The following KCNK12 variants were observed in gnomAD, a reference collection of about 807,000 sequenced individuals.
KCNK12 encodes the protein potassium channel subfamily K member 12.
Under a neutral mutation model 25.3 loss-of-function variants are expected in KCNK12, and 6 were observed. The ratio of observed to expected loss-of-function variants is 0.24; its 90% CI spans 0.13 to 0.47. The LOEUF (loss-of-function observed/expected upper bound fraction) is 0.47, where lower values mean the gene tolerates loss of function less well. Ranked by LOEUF, KCNK12 falls within the 20% of genes least tolerant of loss-of-function variation. KCNK12 has a pLI of 0.99. For missense variants in KCNK12, 444 were observed against 661.7 expected (o/e 0.67, Z 3.61); for synonymous variants, 331 against 311.1 (o/e 1.06, Z -0.67).
At position 47,537,847 on chromosome 2, in the gene KCNK12, G is replaced by A. The variant is rs138091768; in HGVS notation, c.392-16039C>T. On this transcript the variant is annotated intron_variant, in intron 1 of 1. Coordinates refer to ENST00000327876, the MANE Select transcript of KCNK12 (RefSeq NM_022055.2). ...AGTAAGGGAGATGTCAGGGGATTCC[G>A]GGAAGCAAGAGAAGCGGTTTGGGAG... Among the ~76,000 whole-genome samples, 322 of 152,274 alleles carry A rather than the reference G, an allele frequency of 2.1e-3. 3 individuals are homozygous for A. Among genetic ancestry groups the A allele is most frequent in the African/African-American group, 7.4e-3 (307 of 41,556 alleles).
chr2:47,563,918 A>T (rs1559713), intron 1 of KCNK12: 65,930 of 231,848 alleles, frequency 0.28, 9,621 homozygotes, highest in South Asian at 0.35. Flanking sequence ...TTGGCCCAGG[A>T]ATAGCGGCAG....
At position 47,556,545 on chromosome 2, in the gene KCNK12, T is replaced by C. The variant is rs1368409953; in HGVS notation, c.391+13396A>G. 1.3e-5 allele frequency among the ~76,000 whole-genome samples: 2 copies of C among 152,052 alleles called. No homozygotes were observed. Among genetic ancestry groups the C allele is most frequent in the Non-Finnish European group, 2.9e-5 (2 of 68,006 alleles). On this transcript the variant is annotated intron_variant, in intron 1 of 1. Transcript: ENST00000327876. The surrounding 1 kb of genome is among the most constrained non-coding windows in gnomAD (Gnocchi z 4.8). Reference sequence around the variant, plus strand: ...CAGCTGGTACTCAGGGTCACCAATTTAAAGTTGGACCAGTCAGCATCTCTG... The same window carrying C: ...CAGCTGGTACTCAGGGTCACCAATTCAAAGTTGGACCAGTCAGCATCTCTG...
Position 47,569,846 on chromosome 2 carries a change from AGAGCCGAGGGACGCGGACCGAGCGGCC to A in KCNK12, c.391+68_391+94del. On this transcript the variant is annotated intron_variant, in intron 1 of 1. Transcript: ENST00000327876. The surrounding 1 kb of genome is among the most constrained non-coding windows in gnomAD (Gnocchi z 4.1). ...GCAAAGGGACATTAGAAGGGAAGGC[AGAGCCGAGGGACGCGGACCGAGCGGCC>A]GAGCAGTGGAAAGGGCGGCAGGTGA... is the stretch of plus-strand genomic sequence containing the variant. The A allele has an allele frequency of 9.7e-7, 1 of 1,034,752 alleles. No individual in the cohort carries two copies. Among genetic ancestry groups the A allele is most frequent in the Non-Finnish European group, 1.3e-6 (1 of 789,100 alleles). The allele number at this position is 1,034,752 out of a possible 1,614,324, so 64.1% of individuals were successfully genotyped here.
rs1046254830 is a variant in KCNK12, at chr2:47,551,095, G to A, written c.391+18846C>T. On this transcript the variant is annotated intron_variant, in intron 1 of 1. Coordinates refer to ENST00000327876, the MANE Select transcript of KCNK12 (RefSeq NM_022055.2). The surrounding 1 kb of genome is among the most constrained non-coding windows in gnomAD (Gnocchi z 5.3). ...CAGAGTAAAACCCAAAGGTCTTGCC[G>A]TGGCCTGGAGACCCTGCATGACCTA... is the stretch of plus-strand genomic sequence containing the variant. Among the ~76,000 whole-genome samples, 16 of 152,080 alleles carry A rather than the reference G, an allele frequency of 1.1e-4. No individual in the cohort carries two copies. Among genetic ancestry groups the A allele is most frequent in the Non-Finnish European group, 8.8e-5 (6 of 68,022 alleles).
Position 47,514,463 on chromosome 2 carries a change from AC to A in KCNK12, c.*6443del, listed in dbSNP as rs1668477607. Among the ~76,000 whole-genome samples, 1 of 152,088 alleles carries A rather than the reference AC, an allele frequency of 6.6e-6. No homozygotes were observed. Among genetic ancestry groups the A allele is most frequent in the African/African-American group, 2.4e-5 (1 of 41,410 alleles). ...GACCCCAAACTAGACGAGTTACTTG[AC>A]CTCTCTGACCCAAGACAAAATGGGA... On this transcript the variant is annotated 3_prime_UTR_variant, in exon 2 of 2. Coordinates refer to ENST00000327876, the MANE Select transcript of KCNK12 (RefSeq NM_022055.2). The surrounding 1 kb of genome is among the most constrained non-coding windows in gnomAD (Gnocchi z 5.0).
Position 47,517,858 on chromosome 2 carries a change from C to G in KCNK12, c.*3049G>C, listed in dbSNP as rs1205447721. 6.6e-6 allele frequency: 1 copy of G among 152,120 alleles called. No homozygotes were observed. The highest frequency in any genetic ancestry group is 1.5e-5 in the Non-Finnish European group (1 of 68,030). 9.4% of individuals were successfully genotyped at this position (152,120 alleles called of 1,614,324 possible). A position where few individuals can be genotyped will look rare whatever the true frequency, so the allele number is the denominator to read the frequency against. On this transcript the variant is annotated 3_prime_UTR_variant, in exon 2 of 2. Transcript: ENST00000327876. The surrounding 1 kb of genome is among the most constrained non-coding windows in gnomAD (Gnocchi z 4.1). ...GTGGCCACAGTCATATGGTGAGGGC[C>G]TCTTGGAGTTCATTCAAACTTTAAG... is the stretch of plus-strand genomic sequence containing the variant.
At chr2:47,546,306 A>C (rs1299392992) in intron 1 of KCNK12, among the ~76,000 whole-genome samples, 1 of 152,254 alleles carries the variant, frequency 6.6e-6, no homozygotes, top group Non-Finnish European at 1.5e-5. Context: ...TGCACTTAAA[A>C]GTGCTACTGA....
rs184385460 is a variant in KCNK12, at chr2:47,566,705, C to T, written c.391+3236G>A. The T allele has an allele frequency of 2.6e-5, 4 of 152,270 alleles. No homozygotes were observed. Among genetic ancestry groups the T allele is most frequent in the Admixed American group, 2.6e-4 (4 of 15,300 alleles). The allele number at this position is 152,270 out of a possible 1,614,324, so 9.4% of individuals were successfully genotyped here. ...GACCAGTCCCTGCCCTGGTTACACA[C>T]ACATACACTCTCTCTCACACTCAGA... On this transcript the variant is annotated intron_variant, in intron 1 of 1. Coordinates refer to ENST00000327876, the MANE Select transcript of KCNK12 (RefSeq NM_022055.2). The surrounding 1 kb of genome is among the most constrained non-coding windows in gnomAD (Gnocchi z 4.1).
chr2:47,513,068 A>G lies in KCNK12; in HGVS notation c.*7839T>C, dbSNP rs1668442013. On this transcript the variant is annotated 3_prime_UTR_variant, in exon 2 of 2. Transcript: ENST00000327876. Reference sequence around the variant, plus strand: ...GGGAACACAAGTGATAGGTACAGATAGAAGTGTCTGATACTACATAGATTA... The same window carrying G: ...GGGAACACAAGTGATAGGTACAGATGGAAGTGTCTGATACTACATAGATTA... The G allele has an allele frequency of 6.5e-6, 1 of 153,118 alleles. No homozygotes were observed. Among genetic ancestry groups the G allele is most frequent in the Non-Finnish European group, 1.5e-5 (1 of 68,692 alleles). 9.5% of individuals were successfully genotyped at this position (153,118 alleles called of 1,614,324 possible).
Position 47,552,595 on chromosome 2 carries a change from C to G in KCNK12, c.391+17346G>C, listed in dbSNP as rs1017540391. Among the ~76,000 whole-genome samples the G allele has an allele frequency of 2.0e-5, 3 of 152,158 alleles. No homozygotes were observed. In the East Asian group the frequency reaches 5.8e-4, roughly 29 times the overall value. On this transcript the variant is annotated intron_variant, in intron 1 of 1. Transcript: ENST00000327876. Reference sequence around the variant, plus strand: ...CCATCCTGGCCAACATGGTGAAACCCCATCTCTACTAAAAATACAAAAATT... The same window carrying G: ...CCATCCTGGCCAACATGGTGAAACCGCATCTCTACTAAAAATACAAAAATT...
intron 1 of KCNK12, among the ~76,000 whole-genome samples, chr2:47,552,451 A>C (rs1669457533): frequency 6.6e-6 from 1 of 152,042 alleles, no homozygotes; most frequent in Admixed American, 6.6e-5. Flanking sequence ...CATGCCCACA[A>C]ATCTCCAGAT....
At position 47,570,124 on chromosome 2, in the gene KCNK12, C is replaced by T. The variant is rs1195474675; in HGVS notation, c.208G>A (p.Ala70Thr). The T allele has an allele frequency of 7.0e-7, 1 of 1,430,580 alleles. No individual in the cohort carries two copies. The highest frequency in any genetic ancestry group is 1.4e-5 in the South Asian group (1 of 71,856). 88.6% of individuals were successfully genotyped at this position (1,430,580 alleles called of 1,614,324 possible). A position where few individuals can be genotyped will look rare whatever the true frequency, so the allele number is the denominator to read the frequency against. The change falls in exon 1 of 2, where the codon GCG becomes ACG. Residue 70 changes from alanine (A) to threonine (T), a missense_variant. Transcript: ENST00000327876. Reference sequence around the variant, plus strand: ...TTGCGCAGCGTGGCGCCCCAGCGCGCCCGCGCCTCCGCCTCGCCGGGGCTC... The same window carrying T: ...TTGCGCAGCGTGGCGCCCCAGCGCGTCCGCGCCTCCGCCTCGCCGGGGCTC... ...LESPGEAEAR[A>T]RWGATLRNFS...
rs189805963 is a variant in KCNK12, at chr2:47,510,772, A to C, written c.*10135T>G. The C allele has an allele frequency of 6.6e-6, 1 of 152,234 alleles. No individual in the cohort carries two copies. Among genetic ancestry groups the C allele is most frequent in the Non-Finnish European group, 1.5e-5 (1 of 68,048 alleles). The allele number at this position is 152,234 out of a possible 1,614,324, so 9.4% of individuals were successfully genotyped here. A position where few individuals can be genotyped will look rare whatever the true frequency, so the allele number is the denominator to read the frequency against. The stretch of plus-strand genomic sequence containing the variant: ...AAACAGGTCTATTAACCCTGGTATT[A>C]ATATTAACTGGCTGCCCAGAATAAA... On this transcript the variant is annotated 3_prime_UTR_variant, in exon 2 of 2. Transcript: ENST00000327876.
In KCNK12 at chr2:47,520,512, GGAGGTAATTCA is replaced by G. The variant is rs1668628124; in HGVS notation, c.*384_*394del. On this transcript the variant is annotated 3_prime_UTR_variant, in exon 2 of 2. Coordinates refer to ENST00000327876, the MANE Select transcript of KCNK12 (RefSeq NM_022055.2). The surrounding 1 kb of genome is among the most constrained non-coding windows in gnomAD (Gnocchi z 5.0). Reference sequence around the variant, plus strand: ...GCTGGGCCAGGATTCTAAATGCTGAGGAGGTAATTCAGAGCCACGAAAAGTTGCACCATATG... The same window carrying G: ...GCTGGGCCAGGATTCTAAATGCTGAGGAGCCACGAAAAGTTGCACCATATG... The G allele has an allele frequency of 6.0e-6, 1 of 165,958 alleles. No homozygotes were observed. Among genetic ancestry groups the G allele is most frequent in the South Asian group, 2.0e-4 (1 of 4,954 alleles). 10.3% of individuals were successfully genotyped at this position (165,958 alleles called of 1,614,324 possible).
intron 1 of KCNK12, among the ~76,000 whole-genome samples, chr2:47,523,733 C>G (rs117765750): frequency 6.6e-6 from 1 of 152,174 alleles, no homozygotes; most frequent in East Asian, 1.9e-4. Context: ...GATTCACTTA[C>G]TGCTTGGAGT....
intron 1 of KCNK12, among the ~76,000 whole-genome samples, chr2:47,537,196 CCATT>C (rs1304185863): frequency 1.6e-4 from 24 of 152,200 alleles, no homozygotes; most frequent in African/African-American, 5.8e-4. Flanking sequence ...TTACTGGATG[CCATT>C]CATTATTTTT....
At chr2:47,554,710 TC>T (rs1669515142) in intron 1 of KCNK12, among the ~76,000 whole-genome samples, 1 of 152,204 alleles carries the variant, frequency 6.6e-6, no homozygotes, top group South Asian at 2.1e-4. Flanking sequence ...TGGCCTGACT[TC>T]CGCTTTTAAA....
In KCNK12 at chr2:47,557,758, A is replaced by C. The variant is rs887404289; in HGVS notation, c.391+12183T>G. ...TCCAATCAGTACAGGTGTATGACCCACTTCAGCTCTTGTTATATACTCTGC... is the reference window on the plus strand; with the variant it reads ...TCCAATCAGTACAGGTGTATGACCCCCTTCAGCTCTTGTTATATACTCTGC... On this transcript the variant is annotated intron_variant, in intron 1 of 1. Coordinates refer to ENST00000327876, the MANE Select transcript of KCNK12 (RefSeq NM_022055.2). The surrounding 1 kb of genome is among the most constrained non-coding windows in gnomAD (Gnocchi z 4.9). Among the ~76,000 whole-genome samples, 3 of 152,092 alleles carry C rather than the reference A, an allele frequency of 2.0e-5. No individual in the cohort carries two copies. The highest frequency in any genetic ancestry group is 7.2e-5 in the African/African-American group (3 of 41,412).
intron 1 of KCNK12, among the ~76,000 whole-genome samples, chr2:47,536,493 G>T (rs1195599193): frequency 6.6e-6 from 1 of 152,198 alleles, no homozygotes; most frequent in African/African-American, 2.4e-5. Context: ...CAGAAACATT[G>T]TCTCCATCTT....
Sources: allele counts gnomAD v4.1 joint callset (sites outside exome capture counted in the v4.1 genomes callset), GRCh38; gene constraint gnomAD v4.1.1; non-coding constraint Gnocchi (gnomAD v3.1); transcripts MANE v1.5; gene names NCBI Gene and HGNC (gene_info 2026-07-23, HGNC 2026-07-21).